Variants in RNF213 observed in about 807,000 individuals in gnomAD.
RNF213 encodes E3 ubiquitin-protein ligase RNF213.
A neutral mutation model predicts 514.4 loss-of-function variants in RNF213; 341 were observed. That is an observed-to-expected ratio of 0.66 (90% CI 0.61 to 0.73). RNF213 has a LOEUF of 0.73. RNF213 is among the 30% of genes least tolerant of loss of function. RNF213 has a pLI of 0.00. For missense variants in RNF213, 5,767 were observed against 6,615.6 expected (o/e 0.87, Z 4.45); for synonymous variants, 2,655 against 2,658.2 (o/e 1.00, Z 0.04).
intron 2 of RNF213, among the ~76,000 whole-genome samples, chr17:80,268,089 G>A (rs1229375737): frequency 5.3e-5 from 8 of 151,918 alleles, no homozygotes; most frequent in Admixed American, 2.0e-4. Context: ...CCAAAGTACC[G>A]GGGCTATAGG....
At position 80,379,619 on chromosome 17, in the gene RNF213, G is replaced by C; in HGVS notation, c.13546-1G>C. On this transcript the variant is annotated splice_acceptor_variant, in intron 54 of 67. Coordinates refer to ENST00000582970, the MANE Select transcript of RNF213 (RefSeq NM_001256071.3). LOFTEE classifies it high-confidence loss of function. ...GTTCTAGTGCCCTGTCTTCACCCTA[G>C]TGTGGCAGGCCGATGGAACAGAGCA... 1 of 1,614,108 alleles carries C rather than the reference G, an allele frequency of 6.2e-7. No homozygotes were observed. The highest frequency in any genetic ancestry group is 8.5e-7 in the Non-Finnish European group (1 of 1,179,932).
At position 80,313,123 on chromosome 17, in the gene RNF213, C is replaced by T; in HGVS notation, c.2767C>T (p.Leu923Phe). The change falls in exon 15 of 68, where the codon CTC (leucine) becomes TTC (phenylalanine). Residue 923 changes from leucine to phenylalanine, a missense_variant. By Grantham distance (22) the Leu-to-Phe change is conservative. Transcript: ENST00000582970. ...WLREVFTKNM[L>F]TSSGASFTYV... is the part of the protein sequence containing the mutation. The stretch of plus-strand genomic sequence containing the variant: ...CCGAGAAGTTTTTACAAAGAACATG[C>T]TCACATCTTCAGGTGCCTCATTCAC... 3 of 1,614,132 alleles carry T rather than the reference C, an allele frequency of 1.9e-6. No individual in the cohort carries two copies. Among genetic ancestry groups the T allele is most frequent in the Non-Finnish European group, 1.7e-6 (2 of 1,180,042 alleles).
Position 80,340,038 on chromosome 17 carries a change from G to A in RNF213, c.5671G>A (p.Val1891Ile). The A allele has an allele frequency of 6.4e-7, 1 of 1,551,484 alleles. No homozygotes were observed. Among genetic ancestry groups the A allele is most frequent in the Non-Finnish European group, 8.7e-7 (1 of 1,152,908 alleles). ...CLTLGSLGHKVYSLLFADQLS... is the reference protein window; with the variant it reads ...CLTLGSLGHKIYSLLFADQLS... ...GACCCTGGGCTCCCTGGGGCACAAG[G>A]TCTACAGCCTGCTGTTCGCAGATCA... Residue 1891 changes from valine to isoleucine, a missense_variant, in exon 26 of 68, where the codon GTC (valine) becomes ATC (isoleucine). This residue lies in a region of RNF213 where 1,377 missense variants were observed against 1,635.2 expected (regional missense o/e 0.84). Coordinates refer to ENST00000582970, the MANE Select transcript of RNF213 (RefSeq NM_001256071.3).
intron 56 of RNF213, 40 bp from the exon 57 acceptor site, chr17:80,381,507 C>A: frequency 6.2e-7 from 1 of 1,608,430 alleles, no homozygotes; most frequent in Non-Finnish European, 8.5e-7. Flanking sequence ...TCTCTACAAA[C>A]CAGATCCCCG....
intron 11 of RNF213, 53 bp downstream of exon 11, chr17:80,298,571 C>T (rs1568031245): frequency 1.3e-6 from 2 of 1,597,560 alleles, no homozygotes; most frequent in East Asian, 2.2e-5. Context: ...CTGACTCCTA[C>T]ATTGTGCACC....
chr17:80,369,614 G>A lies in RNF213; in HGVS notation c.12268G>A (p.Glu4090Lys). 1 of 1,614,240 alleles carries A rather than the reference G, an allele frequency of 6.2e-7. No individual in the cohort carries two copies. Among genetic ancestry groups the A allele is most frequent in the East Asian group, 2.2e-5 (1 of 44,882 alleles). ...CGCTCCGCCTGAGAAGGAAGTGATT[G>A]AGAGCCTGCTCTCTCTCCTCTTCGT... ...DNAPPEKEVI[E>K]SLLSLLFVQK... is the part of the protein sequence containing the mutation. The change falls in exon 45 of 68, where the codon GAG becomes AAG. Residue 4090 changes from glutamate (E) to lysine (K), a missense_variant. By Grantham distance (56) the Glu-to-Lys change is moderately conservative. Coordinates refer to ENST00000582970, the MANE Select transcript of RNF213 (RefSeq NM_001256071.3).
At chr17:80,348,437 G>C (rs1353703168) in intron 29 of RNF213, 151 bp downstream of exon 29, 100 of 1,138,308 alleles carry the variant, frequency 8.8e-5, no homozygotes, top group Non-Finnish European at 1.2e-4. Context: ...GTAAGTGTGG[G>C]GAGTAGGTCC....
At chr17:80,390,315 T>G (rs1286826665) in intron 67 of RNF213, 119 bp downstream of exon 67, 6 of 1,221,078 alleles carry the variant, frequency 4.9e-6, no homozygotes, top group Non-Finnish European at 5.9e-6. Context: ...TCCTGCTTTT[T>G]GTCATTACCA....
In RNF213 at chr17:80,354,565, G is replaced by A. The variant is rs369670065; in HGVS notation, c.10851G>A (p.Ala3617=). 3.3e-5 allele frequency: 54 copies of A among 1,614,056 alleles called. No individual in the cohort carries two copies. Among genetic ancestry groups the A allele is most frequent in the Middle Eastern group, 1.6e-4 (1 of 6,082 alleles). ...EACNQDALQE[A]GTFRHTLWKR... ...GCAACCAGGACGCTCTCCAGGAGGCGGGCACATTCAGGTACTGTGACTAAA... is the reference window on the plus strand; with the variant it reads ...GCAACCAGGACGCTCTCCAGGAGGCAGGCACATTCAGGTACTGTGACTAAA... Residue 3617 remains alanine, a synonymous_variant, in exon 36 of 68, where the codon GCG becomes GCA. Coordinates refer to ENST00000582970, the MANE Select transcript of RNF213 (RefSeq NM_001256071.3).
In RNF213 at chr17:80,390,079, G is replaced by T. The variant is rs1339953347; in HGVS notation, c.15353G>T (p.Ser5118Ile). 6.2e-6 allele frequency: 10 copies of T among 1,614,100 alleles called. No individual in the cohort carries two copies. In the Admixed American group the frequency reaches 1.7e-4, roughly 27 times the overall value. Residue 5118 changes from serine (S) to isoleucine (I), a missense_variant, in exon 67 of 68, where the codon AGC becomes ATC. Ser to Ile is a moderately radical substitution (Grantham distance 142). Coordinates refer to ENST00000582970, the MANE Select transcript of RNF213 (RefSeq NM_001256071.3). ...AGCCCGGAAAATGCTAAGCTCCTCA[G>T]CACATTCCTAAATCAGACTGGCCTA... is the stretch of plus-strand genomic sequence containing the variant. ...DLSPENAKLLSTFLNQTGLDA... is the reference protein window; with the variant it reads ...DLSPENAKLLITFLNQTGLDA...
intron 38 of RNF213, among the ~76,000 whole-genome samples, chr17:80,361,396 T>C (rs1733363875): frequency 6.6e-6 from 1 of 152,148 alleles, no homozygotes; most frequent in African/African-American, 2.4e-5. Flanking sequence ...GGTGCATGCC[T>C]GTAGTCCCAG....
chr17:80,374,414 AC>A, intron 49 of RNF213, 43 bp from the exon 50 acceptor site: 1 of 1,613,484 alleles, frequency 6.2e-7, no homozygotes, highest in South Asian at 1.1e-5. Flanking sequence ...TCTTTGCAAG[AC>A]ATTCCTCCCA....
intron 36 of RNF213, among the ~76,000 whole-genome samples, chr17:80,357,980 C>T (rs1010094941): frequency 2.6e-5 from 4 of 152,108 alleles, no homozygotes; most frequent in Non-Finnish European, 5.9e-5. Flanking sequence ...AGAGTGAGAC[C>T]CTCACATACA....
At chr17:80,366,287 A>G (rs2079270323) in intron 42 of RNF213, among the ~76,000 whole-genome samples, 1 of 152,230 alleles carries the variant, frequency 6.6e-6, no homozygotes. Context: ...GGATCATTTG[A>G]TAACTCTGTT....
At chr17:80,328,204 A>C in intron 19 of RNF213, 124 bp from the exon 20 acceptor site, 2 of 1,243,648 alleles carry the variant, frequency 1.6e-6, no homozygotes, top group Non-Finnish European at 2.2e-6. Flanking sequence ...AAAAGTGGGT[A>C]TGCGCAAAAC....
chr17:80,390,261 C>T lies in RNF213; in HGVS notation c.15470+65C>T, dbSNP rs1328125586. 2.7e-6 allele frequency: 4 copies of T among 1,505,610 alleles called. No individual in the cohort carries two copies. The Admixed American group carries it at 6.8e-5, about 26-fold the overall frequency. 93.3% of individuals were successfully genotyped at this position (1,505,610 alleles called of 1,614,324 possible). A position where few individuals can be genotyped will look rare whatever the true frequency, so the allele number is the denominator to read the frequency against. On this transcript the variant is annotated intron_variant, in intron 67 of 67. Transcript: ENST00000582970. ...GTTGTGCTGTCTCTCCTGTGATCTT[C>T]TATAGACACAAAAATAGTTCTTTTC...
chr17:80,336,343 G>C lies in RNF213; in HGVS notation c.4492G>C (p.Ala1498Pro). The C allele has an allele frequency of 6.5e-7, 1 of 1,537,272 alleles. No homozygotes were observed. Among genetic ancestry groups the C allele is most frequent in the South Asian group, 1.2e-5 (1 of 84,062 alleles). The change falls in exon 23 of 68, where the codon GCT becomes CCT. Residue 1498 changes from alanine (A) to proline (P), a missense_variant. Physicochemically the swap from Ala to Pro is conservative, Grantham distance 27. This residue lies in a region of RNF213 where 1,377 missense variants were observed against 1,635.2 expected (regional missense o/e 0.84). Transcript: ENST00000582970. Reference sequence around the variant, plus strand: ...GAAGCATCTGAAAAAGCTGTGGAAGGCTCTGGATAAGGACCAGTACCTGCC... The same window carrying C: ...GAAGCATCTGAAAAAGCTGTGGAAGCCTCTGGATAAGGACCAGTACCTGCC... ...FMKHLKKLWKALDKDQYLPRK... is the reference protein window; with the variant it reads ...FMKHLKKLWKPLDKDQYLPRK...
intron 39 of RNF213, 141 bp from the exon 40 acceptor site, chr17:80,362,961 A>G: frequency 1.2e-6 from 1 of 827,774 alleles, no homozygotes; most frequent in Non-Finnish European, 1.9e-6. Flanking sequence ...AGAAAACTGG[A>G]CAGAAGCAAA....
Position 80,374,496 on chromosome 17 carries a change from C to T in RNF213, c.12981C>T (p.Tyr4327=). Residue 4327 remains tyrosine, a synonymous_variant, in exon 50 of 68, where the codon TAC becomes TAT. Coordinates refer to ENST00000582970, the MANE Select transcript of RNF213 (RefSeq NM_001256071.3). ...ACCACCCAGGCCAGATGGATAGGTACCTGGTGTACGGCGATGAATACAAGG... is the reference window on the plus strand; with the variant it reads ...ACCACCCAGGCCAGATGGATAGGTATCTGGTGTACGGCGATGAATACAAGG... ...RQDHPGQMDR[Y]LVYGDEYKAL... 1 of 1,614,200 alleles carries T rather than the reference C, an allele frequency of 6.2e-7. No homozygotes were observed. Among genetic ancestry groups the T allele is most frequent in the Non-Finnish European group, 8.5e-7 (1 of 1,180,034 alleles).
Sources: gnomAD v4.1 joint callset for allele counts (sites outside exome capture counted in the v4.1 genomes callset) on GRCh38, gnomAD v4.1.1 for gene constraint, gnomAD v4.1.1 regional missense constraint, MANE v1.5 for transcripts, NCBI Gene and HGNC (gene_info 2026-07-23, HGNC 2026-07-21) for gene names.